Variants in MAF observed in about 807,000 individuals in gnomAD.
MAF encodes the protein transcription factor Maf.
In MAF, 10 loss-of-function variants were observed where a neutral mutation model predicts 22.0. That is an observed-to-expected ratio of 0.45 (90% CI 0.28 to 0.77). MAF has a LOEUF of 0.77. Ranked by LOEUF, MAF falls within the 30% of genes least tolerant of loss-of-function variation. MAF has a pLI of 0.12. For missense variants in MAF, 544 were observed against 548.4 expected, an observed-to-expected ratio of 0.99 and a Z score of 0.08; for synonymous variants, 337 against 255.8, an observed-to-expected ratio of 1.32 and a Z score of -3.03.
chr16:79,383,258 A>G, the MAF span, among the ~76,000 whole-genome samples: 2 of 152,192 alleles, frequency 1.3e-5, no homozygotes, highest in Non-Finnish European at 2.9e-5. Flanking sequence ...ATAAAGAAAC[A>G]ATCTAACCAT....
chr16:79,362,368 A>G, the MAF span, among the ~76,000 whole-genome samples: 1 of 152,176 alleles, frequency 6.6e-6, no homozygotes, highest in Admixed American at 6.5e-5. Flanking sequence ...CCTTGAATAT[A>G]CGAGTTACCC....
the MAF span, among the ~76,000 whole-genome samples, chr16:79,546,414 C>T: frequency 6.6e-5 from 10 of 151,882 alleles, no homozygotes; most frequent in South Asian, 2.1e-3. Flanking sequence ...GTGACTTGGG[C>T]TGGGAGAAGA....
At chr16:79,484,230 G>A in the MAF span, among the ~76,000 whole-genome samples, 6 of 152,186 alleles carry the variant, frequency 3.9e-5, no homozygotes, top group Non-Finnish European at 8.8e-5. Flanking sequence ...GGTCCCCTGA[G>A]AATCCACTGA....
At chr16:79,233,906 C>T in the MAF span, among the ~76,000 whole-genome samples, 1 of 151,524 alleles carries the variant, frequency 6.6e-6, no homozygotes, top group Non-Finnish European at 1.5e-5. Flanking sequence ...GCAGAAGAAT[C>T]CCTTGAATAT....
At chr16:79,277,698 G>A in the MAF span, among the ~76,000 whole-genome samples, 1 of 152,192 alleles carries the variant, frequency 6.6e-6, no homozygotes, top group Non-Finnish European at 1.5e-5. Flanking sequence ...TATGTGACCA[G>A]GAGGGAGTTA....
the MAF span, among the ~76,000 whole-genome samples, chr16:79,260,017 C>T: frequency 6.6e-6 from 1 of 152,178 alleles, no homozygotes; most frequent in Non-Finnish European, 1.5e-5. Flanking sequence ...CAGTGAGCCC[C>T]AGCTAAGAGA....
the MAF span, among the ~76,000 whole-genome samples, chr16:79,472,340 T>C: frequency 1.3e-5 from 2 of 152,184 alleles, no homozygotes; most frequent in South Asian, 4.1e-4. Context: ...AAAGACATTA[T>C]TCATAATAAT....
chr16:79,421,783 G>GT, the MAF span, among the ~76,000 whole-genome samples: 1 of 151,140 alleles, frequency 6.6e-6, no homozygotes, highest in African/African-American at 2.4e-5. Context: ...CTTTTGTTTT[G>GT]TTTTTTTCTT....
the MAF span, among the ~76,000 whole-genome samples, chr16:79,563,191 G>A: frequency 1.3e-5 from 2 of 152,152 alleles, no homozygotes; most frequent in Admixed American, 1.3e-4. Context: ...AATCTGGCAG[G>A]TAAAGGTTTT....
chr16:79,593,944 C>G lies in MAF; in HGVS notation c.*516G>C. ...TGATAAATGCAACACCGTCTAGGGCCTACGAGAAAACCAGGGGGCTCGGCT... is the reference window on the plus strand; with the variant it reads ...TGATAAATGCAACACCGTCTAGGGCGTACGAGAAAACCAGGGGGCTCGGCT... On this transcript the variant is annotated 3_prime_UTR_variant, in exon 2 of 2. Coordinates refer to ENST00000326043, the MANE Select transcript of MAF (RefSeq NM_005360.5). 1 of 209,980 alleles carries G rather than the reference C, an allele frequency of 4.8e-6. No individual in the cohort carries two copies. Among genetic ancestry groups the G allele is most frequent in the Non-Finnish European group, 9.7e-6 (1 of 102,804 alleles). The allele number at this position is 209,980 out of a possible 1,614,324, so 13.0% of individuals were successfully genotyped here. A position where few individuals can be genotyped will look rare whatever the true frequency, so the allele number is the denominator to read the frequency against.
the MAF span, among the ~76,000 whole-genome samples, chr16:79,294,541 G>A: frequency 6.6e-6 from 1 of 152,150 alleles, no homozygotes; most frequent in East Asian, 1.9e-4. Flanking sequence ...GGAATTAATT[G>A]TTACCGTATT....
At chr16:79,317,673 C>T in the MAF span, among the ~76,000 whole-genome samples, 4 of 152,174 alleles carry the variant, frequency 2.6e-5, no homozygotes, top group African/African-American at 4.8e-5. Context: ...GAGGGAACAG[C>T]CTAGGGTGGA....
At chr16:79,220,062 C>A in the MAF span, among the ~76,000 whole-genome samples, 7 of 151,992 alleles carry the variant, frequency 4.6e-5, no homozygotes. Flanking sequence ...TCAAGACCAG[C>A]CTAGCCAACA....
chr16:79,233,194 G>A, the MAF span, among the ~76,000 whole-genome samples: 1 of 151,972 alleles, frequency 6.6e-6, no homozygotes, highest in African/African-American at 2.4e-5. Flanking sequence ...AATGAAGAAG[G>A]ATCTTGACTA....
At chr16:79,591,294 GT>G (rs973756924), downstream of MAF, among the ~76,000 whole-genome samples, 23 of 152,136 alleles carry the variant, frequency 1.5e-4, no homozygotes, top group Non-Finnish European at 2.8e-4. Flanking sequence ...AGGTTGAGGA[GT>G]GCAGGGGAAA....
At chr16:79,457,058 T>C in the MAF span, among the ~76,000 whole-genome samples, 1 of 152,098 alleles carries the variant, frequency 6.6e-6, no homozygotes, top group African/African-American at 2.4e-5. Context: ...TTAATAGAGA[T>C]GGTGGTCATT....
At chr16:79,284,096 T>C in the MAF span, among the ~76,000 whole-genome samples, 1 of 152,158 alleles carries the variant, frequency 6.6e-6, no homozygotes, top group Admixed American at 6.5e-5. Context: ...AATCTCCTGA[T>C]ATTTGTGCTA....
the MAF span, among the ~76,000 whole-genome samples, chr16:79,450,758 G>A: frequency 6.6e-6 from 1 of 151,474 alleles, no homozygotes; most frequent in African/African-American, 2.4e-5. Context: ...GTGGCCCATG[G>A]AGAAATTAAG....
At chr16:79,544,342 T>C in the MAF span, among the ~76,000 whole-genome samples, 1 of 152,198 alleles carries the variant, frequency 6.6e-6, no homozygotes, top group African/African-American at 2.4e-5. Context: ...GCTACTGCAT[T>C]GCACAACACA....
Sources: gnomAD v4.1 joint callset for allele counts (sites outside exome capture counted in the v4.1 genomes callset) on GRCh38, gnomAD v4.1.1 for gene constraint, MANE v1.5 for transcripts, NCBI Gene and HGNC (gene_info 2026-07-23, HGNC 2026-07-21) for gene names.